MRPL20: variants seen among roughly 807,000 people sequenced by gnomAD.
MRPL20 encodes large ribosomal subunit protein bL20m.
Under a neutral mutation model 20.0 loss-of-function variants are expected in MRPL20, and 21 were observed. That is an observed-to-expected ratio of 1.05 (90% CI 0.74 to 1.51). MRPL20 has a LOEUF of 1.51. Ranked by LOEUF, MRPL20 falls within the 40% of genes most tolerant of loss-of-function variation. The pLI is 0.00. For synonymous variants in MRPL20, 104 were observed against 73.0 expected, an observed-to-expected ratio of 1.43 and a Z score of -2.17; for missense variants, 252 against 185.6, an observed-to-expected ratio of 1.36 and a Z score of -2.08.
In MRPL20 at chr1:1,407,261, C is replaced by T; in HGVS notation, c.-44G>A. 20 of 1,505,250 alleles carry T rather than the reference C, an allele frequency of 1.3e-5. No individual in the cohort carries two copies. Among genetic ancestry groups the T allele is most frequent in the Non-Finnish European group, 1.8e-5 (20 of 1,104,816 alleles). The allele number at this position is 1,505,250 out of a possible 1,614,324, so 93.2% of individuals were successfully genotyped here. ...TCCCGAACACTCAACAACGCACGCG[C>T]AGCGCCGCTGCCATCTTGCCCGGGT... On this transcript the variant is annotated 5_prime_UTR_variant, in exon 1 of 4. Transcript: ENST00000344843.
intron 3 of MRPL20, 163 bp downstream of exon 3, chr1:1,405,646 A>T (rs1460019257): frequency 1.6e-6 from 2 of 1,240,864 alleles, no homozygotes; most frequent in Admixed American, 3.7e-5. Context: ...CTTAACATGG[A>T]CACCCCATCA....
chr1:1,404,812 A>G (rs1474991833), intron 3 of MRPL20, among the ~76,000 whole-genome samples: 7 of 152,054 alleles, frequency 4.6e-5, no homozygotes, highest in African/African-American at 1.4e-4. Context: ...CAGGACTTAC[A>G]TCCCAGAAAG....
At chr1:1,405,968 T>A in intron 2 of MRPL20, 82 bp from the exon 3 acceptor site, 1 of 1,528,484 alleles carries the variant, frequency 6.5e-7, no homozygotes, top group South Asian at 1.3e-5. Flanking sequence ...ATCTAAAGAA[T>A]ATTTTTCTAA....
At chr1:1,406,419 G>T (rs1645384625) in intron 2 of MRPL20, 1 of 191,354 alleles carries the variant, frequency 5.2e-6, no homozygotes, top group Non-Finnish European at 1.1e-5. Flanking sequence ...GTGGTGAGGC[G>T]CAGTAATGAG....
intron 3 of MRPL20, among the ~76,000 whole-genome samples, chr1:1,403,553 CTTTCT>C (rs1445320407): frequency 6.6e-6 from 1 of 152,070 alleles, no homozygotes; most frequent in African/African-American, 2.4e-5. Flanking sequence ...AGTATGTCTC[CTTTCT>C]TAACTACAGT....
At chr1:1,405,275 A>C in intron 3 of MRPL20, 1 of 207,112 alleles carries the variant, frequency 4.8e-6, no homozygotes, top group Non-Finnish European at 9.8e-6. Flanking sequence ...CTGCCCAGCC[A>C]TGGCTTTCTT....
At chr1:1,404,778 C>T (rs954880564) in intron 3 of MRPL20, among the ~76,000 whole-genome samples, 3 of 152,078 alleles carry the variant, frequency 2.0e-5, no homozygotes, top group African/African-American at 7.2e-5. Context: ...GGATGCCTGG[C>T]CTTTTTTCTT....
chr1:1,404,356 A>G (rs998687969), intron 3 of MRPL20, among the ~76,000 whole-genome samples: 7 of 151,028 alleles, frequency 4.6e-5, no homozygotes, highest in East Asian at 3.9e-4. Flanking sequence ...GGGTTTCACC[A>G]TGTTAGCCAG....
intron 2 of MRPL20, 32 bp downstream of exon 2, chr1:1,406,864 GGCCGCGAGTGCGC>G (rs748567391): frequency 6.5e-7 from 1 of 1,535,142 alleles, no homozygotes; most frequent in Non-Finnish European, 9.0e-7. Flanking sequence ...GAAACGCAGG[GGCCGCGAGTGCGC>G]TGGCCGGCGG....
chr1:1,406,736 A>G (rs1645388259), intron 2 of MRPL20, 173 bp downstream of exon 2: 1 of 632,050 alleles, frequency 1.6e-6, no homozygotes, highest in Non-Finnish European at 2.9e-6. Context: ...GGGCGGGAGA[A>G]CGGATGTCCC....
At position 1,407,168 on chromosome 1, in the gene MRPL20, C is replaced by A. The variant is rs752823750; in HGVS notation, c.50G>T (p.Arg17Leu). The part of the protein sequence containing the change: ...QLWLRNRVTD[R>L]YFRIQEVLKH... Reference sequence around the variant, plus strand: ...CAGCACCTCCTGGATCCGAAAGTAGCGGTCGGTGACGCGATTCCGCAGCCA... The same window carrying A: ...CAGCACCTCCTGGATCCGAAAGTAGAGGTCGGTGACGCGATTCCGCAGCCA... Residue 17 changes from arginine to leucine, a missense_variant, in exon 1 of 4, where the codon CGC becomes CTC. By Grantham distance (102) the Arg-to-Leu change is moderately radical. Coordinates refer to ENST00000344843, the MANE Select transcript of MRPL20 (RefSeq NM_017971.4). The A allele has an allele frequency of 2.5e-6, 4 of 1,607,762 alleles. No homozygotes were observed. The highest frequency in any genetic ancestry group is 2.2e-5 in the East Asian group (1 of 44,656).
At chr1:1,406,076 C>G in intron 2 of MRPL20, 190 bp from the exon 3 acceptor site, 1 of 775,206 alleles carries the variant, frequency 1.3e-6, no homozygotes, top group Non-Finnish European at 2.0e-6. Flanking sequence ...AAAAACCCAG[C>G]TGGGCACGGT....
At chr1:1,404,303 G>A (rs966645555) in intron 3 of MRPL20, among the ~76,000 whole-genome samples, 3 of 150,906 alleles carry the variant, frequency 2.0e-5, no homozygotes, top group Admixed American at 6.6e-5. Flanking sequence ...ACAGATGCCC[G>A]CCACCACGCC....
chr1:1,402,008 T>C lies in MRPL20; in HGVS notation c.*75A>G. 6.7e-7 allele frequency: 1 copy of C among 1,502,496 alleles called. No homozygotes were observed. 93.1% of individuals were successfully genotyped at this position (1,502,496 alleles called of 1,614,324 possible). A position where few individuals can be genotyped will look rare whatever the true frequency, so the allele number is the denominator to read the frequency against. ...ATCCCTCATGTCTGTTATTGGGTTG[T>C]AGATAAACAAAAGTATAAATCAAAC... On this transcript the variant is annotated 3_prime_UTR_variant, in exon 4 of 4. Transcript: ENST00000344843.
chr1:1,403,241 CT>C (rs1645349801), intron 3 of MRPL20, among the ~76,000 whole-genome samples: 2 of 109,122 alleles, frequency 1.8e-5, no homozygotes, highest in African/African-American at 1.1e-4. Flanking sequence ...AGTCTGTCTC[CT>C]TTCTTTCTTT....
intron 2 of MRPL20, 199 bp from the exon 3 acceptor site, chr1:1,406,085 G>T: frequency 1.5e-6 from 1 of 677,114 alleles, no homozygotes; most frequent in Non-Finnish European, 2.4e-6. Context: ...GCTGGGCACG[G>T]TGTCTCACGC....
chr1:1,403,926 C>G (rs551516275), intron 3 of MRPL20, among the ~76,000 whole-genome samples: 1 of 152,356 alleles, frequency 6.6e-6, no homozygotes, highest in Non-Finnish European at 1.5e-5. Context: ...ACTGCAACTT[C>G]TGCCTTCTGG....
rs917567060 is a variant in MRPL20, at chr1:1,402,346, G to C, written c.277-90C>G. 14 of 1,487,594 alleles carry C rather than the reference G, an allele frequency of 9.4e-6. 1 individual carries two copies. The Admixed American group carries it at 1.9e-4, about 20-fold the overall frequency. The allele number at this position is 1,487,594 out of a possible 1,614,324, so 92.1% of individuals were successfully genotyped here. A position where few individuals can be genotyped will look rare whatever the true frequency, so the allele number is the denominator to read the frequency against. On this transcript the variant is annotated intron_variant, in intron 3 of 3. Coordinates refer to ENST00000344843, the MANE Select transcript of MRPL20 (RefSeq NM_017971.4). ...GCGGCGCTGGCTCAGGAAGAACCCA[G>C]CTGCACACTCGCCTGGGGGGAGGGA...
rs759872665 is a variant in MRPL20, at chr1:1,407,224, T to C, written c.-7A>G. The C allele has an allele frequency of 6.3e-7, 1 of 1,592,098 alleles. No individual in the cohort carries two copies. Among genetic ancestry groups the C allele is most frequent in the Non-Finnish European group, 8.5e-7 (1 of 1,169,622 alleles). ...GCGCGGTGAGGAAGACCATGGCGCC[T>C]GCAGGCCGGCGTCCCGAACACTCAA... is the stretch of plus-strand genomic sequence containing the variant. On this transcript the variant is annotated 5_prime_UTR_variant, in exon 1 of 4. Coordinates refer to ENST00000344843, the MANE Select transcript of MRPL20 (RefSeq NM_017971.4).
Sources: allele counts gnomAD v4.1 joint callset (sites outside exome capture counted in the v4.1 genomes callset), GRCh38; gene constraint gnomAD v4.1.1; transcripts MANE v1.5; gene names NCBI Gene and HGNC (gene_info 2026-07-23, HGNC 2026-07-21).